The following ANXA8 variants were observed in gnomAD, a reference collection of about 807,000 sequenced individuals.
ANXA8 encodes the protein VAC-beta.
Under a neutral mutation model 26.8 loss-of-function variants are expected in ANXA8, and 9 were observed. The ratio of observed to expected loss-of-function variants is 0.34; its 90% CI spans 0.20 to 0.59. ANXA8 has a LOEUF of 0.59. Among genes scored for constraint, ANXA8 ranks in the 20% least tolerant of loss-of-function variants. ANXA8 has a pLI of 0.84. For missense variants in ANXA8, 83 were observed against 238.5 expected (o/e 0.35, Z 4.29); for synonymous variants, 39 against 94.8 (o/e 0.41, Z 3.42).
chr10:47,988,791 G>A, the ANXA8 span, among the ~76,000 whole-genome samples: 5 of 151,836 alleles, frequency 3.3e-5, no homozygotes, highest in South Asian at 2.1e-4. Context: ...GCTCAGGCTC[G>A]CTGGCTACTA....
chr10:47,693,848 G>A, the ANXA8 span, among the ~76,000 whole-genome samples: 3 of 150,572 alleles, frequency 2.0e-5, no homozygotes, highest in African/African-American at 7.3e-5. Context: ...TATTGTAAAT[G>A]AAAAAAAAAT....
the ANXA8 span, among the ~76,000 whole-genome samples, chr10:47,920,227 AAAT>A: frequency 1.1e-5 from 1 of 93,106 alleles, no homozygotes; most frequent in African/African-American, 6.6e-5. Flanking sequence ...TTAAATGACC[AAAT>A]GAGACTCTTT....
chr10:47,920,303 C>G, the ANXA8 span, among the ~76,000 whole-genome samples: 2 of 80,848 alleles, frequency 2.5e-5, no homozygotes, highest in African/African-American at 1.2e-4. Flanking sequence ...GTGGTGCACT[C>G]TCTGCTGACT....
the ANXA8 span, chr10:47,706,869 A>T: frequency 1.6e-6 from 1 of 638,654 alleles, no homozygotes; most frequent in South Asian, 1.9e-5. Flanking sequence ...AACCTGAAAG[A>T]TATCATTTGG....
chr10:47,775,936 CAG>C, the ANXA8 span, among the ~76,000 whole-genome samples: 1 of 151,040 alleles, frequency 6.6e-6, no homozygotes, highest in African/African-American at 2.4e-5. Context: ...AGTTGAGAAA[CAG>C]GGCAGGAGCA....
the ANXA8 span, among the ~76,000 whole-genome samples, chr10:47,932,467 A>C: frequency 6.7e-6 from 1 of 149,266 alleles, no homozygotes; most frequent in African/African-American, 2.5e-5. Flanking sequence ...GGCTTGATTC[A>C]AGGGTTTGAA....
chr10:47,589,786 C>T, the ANXA8 span, among the ~76,000 whole-genome samples: 1 of 145,224 alleles, frequency 6.9e-6, no homozygotes, highest in African/African-American at 2.8e-5. Flanking sequence ...CTTGGTTCTA[C>T]CTTTTCAGAT....
At chr10:47,669,492 G>C in the ANXA8 span, among the ~76,000 whole-genome samples, 1 of 151,586 alleles carries the variant, frequency 6.6e-6, no homozygotes, top group Non-Finnish European at 1.5e-5. Flanking sequence ...GTCGAGGCAG[G>C]TAGACTCCTT....
chr10:47,680,227 G>A, the ANXA8 span, among the ~76,000 whole-genome samples: 1 of 151,852 alleles, frequency 6.6e-6, no homozygotes, highest in African/African-American at 2.4e-5. Flanking sequence ...GCACAGTGGG[G>A]TGAGTATAGT....
At chr10:47,968,120 T>C in the ANXA8 span, among the ~76,000 whole-genome samples, 4 of 150,750 alleles carry the variant, frequency 2.7e-5, no homozygotes, top group African/African-American at 9.7e-5. Context: ...AAAACATGTC[T>C]TCTTTGTAGC....
chr10:47,684,452 A>C, the ANXA8 span, among the ~76,000 whole-genome samples: 2 of 151,876 alleles, frequency 1.3e-5, no homozygotes, highest in Admixed American at 1.3e-4. Context: ...GTAGGGTAAC[A>C]GTTCTACACT....
chr10:47,618,382 AT>A, the ANXA8 span, among the ~76,000 whole-genome samples: 1 of 111,550 alleles, frequency 9.0e-6, no homozygotes, highest in Non-Finnish European at 2.0e-5. Context: ...TTATCATTTA[AT>A]AAATTACATA....
At chr10:47,953,585 G>A in the ANXA8 span, among the ~76,000 whole-genome samples, 5 of 150,510 alleles carry the variant, frequency 3.3e-5, 1 homozygote, top group African/African-American at 4.9e-5. Flanking sequence ...AAGCTGCACA[G>A]CAAAGGAAAT....
the ANXA8 span, among the ~76,000 whole-genome samples, chr10:47,489,914 C>A: frequency 2.7e-5 from 4 of 150,366 alleles, 1 homozygote; most frequent in East Asian, 7.8e-4. Context: ...CCTTCCCCCA[C>A]AGCTGGCTTC....
chr10:47,585,154 T>G, the ANXA8 span, among the ~76,000 whole-genome samples: 2 of 132,706 alleles, frequency 1.5e-5, no homozygotes, highest in Admixed American at 7.9e-5. Flanking sequence ...TCCCAGCTAC[T>G]CAGGAGCCTG....
At chr10:47,509,904 ATCCTTC>A in the ANXA8 span, among the ~76,000 whole-genome samples, 1 of 139,872 alleles carries the variant, frequency 7.1e-6, no homozygotes, top group Middle Eastern at 3.6e-3. Flanking sequence ...AAGGGAACCT[ATCCTTC>A]TCACTGTGTT....
chr10:47,744,436 G>GGGGA, the ANXA8 span, among the ~76,000 whole-genome samples: 1 of 71,638 alleles, frequency 1.4e-5, no homozygotes, highest in Non-Finnish European at 2.8e-5. Flanking sequence ...GGGGGAGGGG[G>GGGGA]GAAGAGGGGG....
At chr10:47,485,709 A>G (rs1840027241), upstream of ANXA8, among the ~76,000 whole-genome samples, 2 of 151,952 alleles carry the variant, frequency 1.3e-5, no homozygotes, top group Admixed American at 1.3e-4. Flanking sequence ...ACTTAAAGAT[A>G]TGTTTAACCT....
chr10:47,724,773 C>A, the ANXA8 span, among the ~76,000 whole-genome samples: 3 of 140,338 alleles, frequency 2.1e-5, no homozygotes, highest in Admixed American at 7.2e-5. Context: ...ATCACCACAA[C>A]CAGTTAGGAC....
Sources: allele counts gnomAD v4.1 joint callset (sites outside exome capture counted in the v4.1 genomes callset), GRCh38; gene constraint gnomAD v4.1.1; transcripts MANE v1.5; gene names NCBI Gene and HGNC (gene_info 2026-07-23, HGNC 2026-07-21).